The following DPY19L2 variants were observed in gnomAD, a reference collection of about 807,000 sequenced individuals.
The protein encoded by DPY19L2 is dpy-19 like 2, also known as probable C-mannosyltransferase DPY19L2.
In DPY19L2, 34 loss-of-function variants were observed where a neutral mutation model predicts 97.9. The ratio of observed to expected loss-of-function variants is 0.35; its 90% CI spans 0.26 to 0.46. The LOEUF (loss-of-function observed/expected upper bound fraction) is 0.46. Ranked by LOEUF, DPY19L2 falls within the 20% of genes least tolerant of loss-of-function variation. The probability of loss-of-function intolerance (pLI) is 1.00; values close to 1 mark genes in which losing one functional copy is unlikely to be tolerated. For missense variants in DPY19L2, 623 were observed against 911.4 expected (o/e 0.68, Z 4.07); for synonymous variants, 230 against 307.9 (o/e 0.75, Z 2.65).
At chr12:63,627,965 A>C (rs1889859378) in intron 6 of DPY19L2, among the ~76,000 whole-genome samples, 1 of 152,220 alleles carries the variant, frequency 6.6e-6, no homozygotes, top group African/African-American at 2.4e-5. Flanking sequence ...CAGAAAATAC[A>C]AAGGATGAAC....
chr12:63,647,470 G>A, intron 4 of DPY19L2, 105 bp from the exon 5 acceptor site: 2 of 540,638 alleles, frequency 3.7e-6, no homozygotes, highest in Non-Finnish European at 2.8e-6. Context: ...CATAAAAAAG[G>A]ATGAGTTCAT....
chr12:63,634,365 C>T (rs1320206644), intron 6 of DPY19L2, among the ~76,000 whole-genome samples: 7 of 152,104 alleles, frequency 4.6e-5, no homozygotes, highest in East Asian at 1.9e-4. Context: ...CTCCAGTCTA[C>T]AGCTCCCAGC....
At chr12:63,615,243 C>T (rs1395291592) in intron 11 of DPY19L2, among the ~76,000 whole-genome samples, 1 of 152,128 alleles carries the variant, frequency 6.6e-6, no homozygotes, top group African/African-American at 2.4e-5. Flanking sequence ...GACAGGGAAT[C>T]AATTCATTAT....
chr12:63,563,003 G>A (rs533536302), intron 21 of DPY19L2, among the ~76,000 whole-genome samples: 2 of 152,092 alleles, frequency 1.3e-5, no homozygotes, highest in South Asian at 4.2e-4. Context: ...CGCCATGTTG[G>A]CCAGGCTGAT....
chr12:63,612,258 G>A (rs1463684770), intron 11 of DPY19L2, among the ~76,000 whole-genome samples: 3 of 151,978 alleles, frequency 2.0e-5, no homozygotes, highest in Admixed American at 2.0e-4. Context: ...TGTTAAAGGA[G>A]GTCTTTCAGA....
At chr12:63,597,029 T>C (rs950986146) in intron 14 of DPY19L2, among the ~76,000 whole-genome samples, 7 of 152,052 alleles carry the variant, frequency 4.6e-5, no homozygotes, top group South Asian at 2.1e-4. Flanking sequence ...CTGGAGTGCA[T>C]TGGTGCGATC....
At chr12:63,618,953 G>C (rs1292914759) in intron 9 of DPY19L2, among the ~76,000 whole-genome samples, 10 of 152,102 alleles carry the variant, frequency 6.6e-5, no homozygotes, top group Admixed American at 5.2e-4. Context: ...ATGCTTTGTT[G>C]GTCACATACA....
chr12:63,610,324 T>C lies in DPY19L2; in HGVS notation c.1219-1649A>G, dbSNP rs575263897. ...TTCTGAGTATAATTATATATATATA[T>C]ATCTTCCTCATTGAAACATGGTAAT... On this transcript the variant is annotated intron_variant, in intron 11 of 21. Coordinates refer to ENST00000324472, the MANE Select transcript of DPY19L2 (RefSeq NM_173812.5). Among the ~76,000 whole-genome samples, 7 of 151,768 alleles carry C rather than the reference T, an allele frequency of 4.6e-5. No homozygotes were observed. The South Asian group carries it at 1.5e-3, about 32-fold the overall frequency.
At chr12:63,566,903 T>C (rs1307485735) in intron 21 of DPY19L2, among the ~76,000 whole-genome samples, 3 of 152,106 alleles carry the variant, frequency 2.0e-5, no homozygotes, top group Non-Finnish European at 2.9e-5. Context: ...TTATGGAGTA[T>C]AGAGTGATAT....
intron 9 of DPY19L2, 89 bp downstream of exon 9, chr12:63,621,149 C>G (rs921632942): frequency 7.6e-6 from 8 of 1,057,254 alleles, no homozygotes; most frequent in Non-Finnish European, 1.1e-5. Flanking sequence ...CCATGGCATA[C>G]ATTTACCTAC....
At chr12:63,567,042 C>T (rs3965212) in intron 21 of DPY19L2, among the ~76,000 whole-genome samples, 1 of 152,060 alleles carries the variant, frequency 6.6e-6, no homozygotes, top group African/African-American at 2.4e-5. Context: ...TGACATATAA[C>T]GATAAATTAC....
At chr12:63,644,229 C>T (rs907884929) in intron 6 of DPY19L2, among the ~76,000 whole-genome samples, 174 bp downstream of exon 6, 1 of 152,016 alleles carries the variant, frequency 6.6e-6, no homozygotes, top group African/African-American at 2.4e-5. Flanking sequence ...ATTTTAGTGA[C>T]ATCTCCAGTT....
At chr12:63,579,526 T>TA (rs1217001877) in intron 19 of DPY19L2, among the ~76,000 whole-genome samples, 1 of 152,116 alleles carries the variant, frequency 6.6e-6, no homozygotes, top group Non-Finnish European at 1.5e-5. Context: ...CTTAGAAGGA[T>TA]AAGTTGCCAA....
At chr12:63,619,248 C>A (rs1213465286) in intron 9 of DPY19L2, among the ~76,000 whole-genome samples, 2 of 152,066 alleles carry the variant, frequency 1.3e-5, no homozygotes, top group African/African-American at 2.4e-5. Context: ...CAAGAGCAGC[C>A]TGGGCAAGAT....
intron 11 of DPY19L2, among the ~76,000 whole-genome samples, chr12:63,610,459 GA>G (rs1886754100): frequency 6.6e-6 from 1 of 151,432 alleles, no homozygotes; most frequent in Non-Finnish European, 1.5e-5. Flanking sequence ...AAAATACCAA[GA>G]AAAATAGATT....
At chr12:63,658,287 G>C (rs911520451) in intron 4 of DPY19L2, among the ~76,000 whole-genome samples, 1 of 152,120 alleles carries the variant, frequency 6.6e-6, no homozygotes, top group African/African-American at 2.4e-5. Flanking sequence ...TGGAGGCCAG[G>C]AGTTTGAGAC....
intron 11 of DPY19L2, among the ~76,000 whole-genome samples, chr12:63,612,914 T>C (rs1037408652): frequency 9.9e-5 from 15 of 152,010 alleles, no homozygotes; most frequent in Admixed American, 2.0e-4. Context: ...ACATCATAAA[T>C]AAAATTTAAA....
At chr12:63,662,716 G>A (rs1413385393) in intron 3 of DPY19L2, among the ~76,000 whole-genome samples, 2 of 152,128 alleles carry the variant, frequency 1.3e-5, no homozygotes, top group African/African-American at 4.8e-5. Flanking sequence ...CCAAAGTCCA[G>A]ACTCTGCCAC....
At chr12:63,630,162 C>A (rs970067634) in intron 6 of DPY19L2, among the ~76,000 whole-genome samples, 4 of 152,096 alleles carry the variant, frequency 2.6e-5, no homozygotes, top group African/African-American at 9.7e-5. Flanking sequence ...CATCAACTAA[C>A]GAGCAAAATA....
Sources: allele counts gnomAD v4.1 joint callset (sites outside exome capture counted in the v4.1 genomes callset), GRCh38; gene constraint gnomAD v4.1.1; transcripts MANE v1.5; gene names NCBI Gene and HGNC (gene_info 2026-07-23, HGNC 2026-07-21).